BUD31: variants seen among roughly 807,000 people sequenced by gnomAD.
BUD31 encodes BUD31 spliceosome associated protein.
BUD31 carries 9 observed loss-of-function variants against 17.9 expected under a neutral mutation model. That is an observed-to-expected ratio of 0.50 (90% CI 0.30 to 0.88). BUD31 has a LOEUF of 0.88. BUD31 is among the 40% of genes least tolerant of loss of function. The pLI is 0.06. For missense variants in BUD31, 148 were observed against 184.5 expected (o/e 0.80, Z 1.15); for synonymous variants, 70 against 64.7 (o/e 1.08, Z -0.39).
At chr7:99,416,769 G>A (rs1236435234) in intron 4 of BUD31, 1 of 147,962 alleles carries the variant, frequency 6.8e-6, no homozygotes, top group Non-Finnish European at 1.4e-5. Context: ...TCCACAGGCT[G>A]GAGTGCAGTG....
At chr7:99,414,646 G>A (rs1795316101) in intron 3 of BUD31, among the ~76,000 whole-genome samples, 1 of 152,026 alleles carries the variant, frequency 6.6e-6, no homozygotes, top group South Asian at 2.1e-4. Context: ...GCCTAGGCTG[G>A]AGTGCAGTGG....
At chr7:99,417,624 G>T in intron 5 of BUD31, 29 bp downstream of exon 5, 1 of 1,607,046 alleles carries the variant, frequency 6.2e-7, no homozygotes, top group Non-Finnish European at 8.5e-7. Flanking sequence ...GCTTGGTGTT[G>T]TTTTCAGCTC....
rs556507315 is a variant in BUD31 at position 99,419,202 on chromosome 7, A to G, written c.385-189A>G. On this transcript the variant is annotated intron_variant, in intron 5 of 5. Coordinates refer to ENST00000222969, the MANE Select transcript of BUD31 (RefSeq NM_003910.4). ...GACATACAGATGTAACCTCGGTGTC[A>G]ACAGCAGCTGGTTCTACCTTCATGA... is the stretch of plus-strand genomic sequence containing the variant. 11 of 608,914 alleles carry G rather than the reference A, an allele frequency of 1.8e-5. No individual in the cohort carries two copies. The South Asian group carries it at 1.9e-4, about 11-fold the overall frequency. 37.7% of individuals were successfully genotyped at this position (608,914 alleles called of 1,614,324 possible).
At chr7:99,416,323 C>T (rs920784539) in intron 4 of BUD31, 63 bp downstream of exon 4, 13 of 1,562,518 alleles carry the variant, frequency 8.3e-6, no homozygotes, top group Non-Finnish European at 1.1e-5. Context: ...CTGAACTAAC[C>T]ACAATCCTTA....
intron 5 of BUD31, chr7:99,419,147 G>C (rs1795677621): frequency 8.9e-6 from 5 of 560,090 alleles, no homozygotes; most frequent in African/African-American, 1.9e-5. Context: ...TGGCAAACGT[G>C]TGTTGGATTT....
At position 99,412,980 on chromosome 7, in the gene BUD31, T is replaced by C. The variant is rs56912688; in HGVS notation, c.94+1794T>C. On this transcript the variant is annotated intron_variant, in intron 3 of 5. Transcript: ENST00000222969. ...TGTTAGTCCATTTTCACGCTACTGATAGACATACCTGAGACTGGGCAATTT... is the reference window on the plus strand; with the variant it reads ...TGTTAGTCCATTTTCACGCTACTGACAGACATACCTGAGACTGGGCAATTT... Among the ~76,000 whole-genome samples, 255 of 152,150 alleles carry C rather than the reference T, an allele frequency of 1.7e-3. 1 individual carries two copies. The highest frequency in any genetic ancestry group is 0.014 in the East Asian group (73 of 5,166).
At chr7:99,412,943 G>T (rs920606377) in intron 3 of BUD31, among the ~76,000 whole-genome samples, 2 of 152,062 alleles carry the variant, frequency 1.3e-5, no homozygotes, top group Admixed American at 1.3e-4. Flanking sequence ...ATTTTTTGTA[G>T]AGATGGGGGT....
At chr7:99,417,980 C>A (rs1182409466) in intron 5 of BUD31, 7 of 1,176,198 alleles carry the variant, frequency 6.0e-6, no homozygotes, top group Admixed American at 4.2e-5. Flanking sequence ...TCTTTCCCGC[C>A]CCCCCAAGAC....
At chr7:99,418,201 A>G (rs1420346529) in intron 5 of BUD31, 6 of 176,924 alleles carry the variant, frequency 3.4e-5, no homozygotes, top group Non-Finnish European at 5.9e-5. Context: ...TCCCGACCTC[A>G]GGTGATCCAC....
chr7:99,419,570 T>TGTC lies in BUD31; in HGVS notation c.*130_*132dup. On this transcript the variant is annotated 3_prime_UTR_variant, in exon 6 of 6. Coordinates refer to ENST00000222969, the MANE Select transcript of BUD31 (RefSeq NM_003910.4). ...ACGGTCTCTATGGGGAAGGCTTCGC[T>TGTC]GTCTATCAGCTGTGATTTGTAAAAA... The TGTC allele has an allele frequency of 5.8e-6, 6 of 1,037,390 alleles. No homozygotes were observed. The highest frequency in any genetic ancestry group is 8.7e-6 in the Non-Finnish European group (6 of 688,326). 64.3% of individuals were successfully genotyped at this position (1,037,390 alleles called of 1,614,324 possible). A position where few individuals can be genotyped will look rare whatever the true frequency, so the allele number is the denominator to read the frequency against.
intron 1 of BUD31, among the ~76,000 whole-genome samples, chr7:99,409,780 T>TGGGGGGGGGGGG (rs1554353400): frequency 1.6e-5 from 1 of 61,118 alleles, no homozygotes; most frequent in Non-Finnish European, 3.2e-5. Flanking sequence ...GGGGGGGGGG[T>TGGGGGGGGGGGG]GGGTCTTTGT....
chr7:99,419,265 G>A (rs1795685137), intron 5 of BUD31, 126 bp from the exon 6 acceptor site: 1 of 1,178,688 alleles, frequency 8.5e-7, no homozygotes, highest in Non-Finnish European at 1.2e-6. Context: ...TGTCAAGGAA[G>A]GGTTTCTGAG....
At chr7:99,419,362 C>A in intron 5 of BUD31, 29 bp from the exon 6 acceptor site, 1 of 1,612,176 alleles carries the variant, frequency 6.2e-7, no homozygotes, top group South Asian at 1.1e-5. Flanking sequence ...GGCGCAGTGG[C>A]ATCGTCTCAC....
chr7:99,409,769 C>CGGG (rs370621425), intron 1 of BUD31, among the ~76,000 whole-genome samples: 239 of 48,718 alleles, frequency 4.9e-3, no homozygotes, highest in East Asian at 0.043. Context: ...GCTCTGTGGG[C>CGGG]GGGGGGGGGG....
chr7:99,418,213 C>T (rs74955137), intron 5 of BUD31: 10,361 of 166,918 alleles, frequency 0.062, 718 homozygotes, highest in East Asian at 0.32. Context: ...GTGATCCACC[C>T]GCCTCAGCCT....
chr7:99,412,322 A>G (rs934291264), intron 3 of BUD31, among the ~76,000 whole-genome samples: 11 of 152,266 alleles, frequency 7.2e-5, no homozygotes, highest in Admixed American at 5.2e-4. Context: ...AGTCCTTGAA[A>G]GTAAATTAAC....
At chr7:99,415,035 T>G (rs540636055) in intron 3 of BUD31, 10 of 253,200 alleles carry the variant, frequency 3.9e-5, no homozygotes, top group South Asian at 3.0e-4. Flanking sequence ...TAATTTTGAT[T>G]ATAGTCATCT....
intron 2 of BUD31, 110 bp from the exon 3 acceptor site, chr7:99,410,954 A>G (rs1031527176): frequency 2.1e-5 from 14 of 677,972 alleles, no homozygotes; most frequent in Non-Finnish European, 3.6e-5. Context: ...GCCCTGTCCC[A>G]TAGCTGTGAC....
At chr7:99,414,623 G>A (rs569427222) in intron 3 of BUD31, among the ~76,000 whole-genome samples, 9 of 151,468 alleles carry the variant, frequency 5.9e-5, no homozygotes, top group Non-Finnish European at 1.2e-4. Context: ...TGAGACGGGA[G>A]TCTTGCTTTG....
Sources: allele counts gnomAD v4.1 joint callset (sites outside exome capture counted in the v4.1 genomes callset), GRCh38; gene constraint gnomAD v4.1.1; transcripts MANE v1.5; gene names NCBI Gene and HGNC (gene_info 2026-07-23, HGNC 2026-07-21).